CCDC91: variants seen among roughly 807,000 people sequenced by gnomAD.
CCDC91 encodes the protein coiled-coil domain containing 91.
CCDC91 carries 48 observed loss-of-function variants against 63.2 expected under a neutral mutation model. The ratio of observed to expected loss-of-function variants is 0.76; its 90% CI spans 0.60 to 0.97. CCDC91 has a LOEUF of 0.97. Ranked by LOEUF, CCDC91 falls within the 50% of genes least tolerant of loss-of-function variation. CCDC91 has a pLI of 0.00. For synonymous variants in CCDC91, 167 were observed against 165.8 expected (o/e 1.01, Z -0.06); for missense variants, 500 against 494.6 (o/e 1.01, Z -0.10).
chr12:28,330,205 T>C (rs1941381994), intron 6 of CCDC91, among the ~76,000 whole-genome samples: 1 of 152,158 alleles, frequency 6.6e-6, no homozygotes, highest in Non-Finnish European at 1.5e-5. Context: ...TCTTCCACAA[T>C]GGTTGAATTA....
chr12:28,246,558 C>A (rs565279262), intron 1 of CCDC91, among the ~76,000 whole-genome samples: 5 of 152,200 alleles, frequency 3.3e-5, no homozygotes, highest in Non-Finnish European at 7.4e-5. Context: ...CCCATAGAGG[C>A]ATGGATTTGG....
chr12:28,293,739 T>A (rs1949386441), intron 3 of CCDC91, among the ~76,000 whole-genome samples: 1 of 152,006 alleles, frequency 6.6e-6, no homozygotes, highest in Admixed American at 6.6e-5. Context: ...TTTTTTTTTT[T>A]ATTCCAGGAG....
chr12:28,399,778 A>G (rs932767468), intron 8 of CCDC91, among the ~76,000 whole-genome samples: 3 of 152,222 alleles, frequency 2.0e-5, no homozygotes, highest in Non-Finnish European at 2.9e-5. Flanking sequence ...TTAAAATTCC[A>G]TAATGATCTT....
intron 12 of CCDC91, among the ~76,000 whole-genome samples, chr12:28,496,578 G>A (rs142114444): frequency 6.6e-6 from 1 of 151,674 alleles, no homozygotes; most frequent in African/African-American, 2.4e-5. Flanking sequence ...TGTGGTTACT[G>A]AAGAAATATT....
At chr12:28,303,306 T>A (rs1285459651) in intron 3 of CCDC91, among the ~76,000 whole-genome samples, 5 of 152,078 alleles carry the variant, frequency 3.3e-5, no homozygotes, top group Non-Finnish European at 5.9e-5. Flanking sequence ...CTAGCTAGTA[T>A]GTGATTCAGA....
intron 8 of CCDC91, among the ~76,000 whole-genome samples, chr12:28,433,497 T>G (rs1948740554): frequency 6.6e-6 from 1 of 152,018 alleles, no homozygotes; most frequent in African/African-American, 2.4e-5. Flanking sequence ...TTTATTCCTT[T>G]GCCACTTTTC....
chr12:28,257,246 G>T lies in CCDC91; in HGVS notation c.30+1G>T. On this transcript the variant is annotated splice_donor_variant, in intron 2 of 12. Coordinates refer to ENST00000536442, the MANE Select transcript of CCDC91 (RefSeq NM_018318.5). LOFTEE classifies it high-confidence loss of function. ...TGATGATGATTTTGGTGGTTTTGAG[G>T]TATGCACTGTTATTTACATTAGTTT... is the stretch of plus-strand genomic sequence containing the variant. 6.2e-7 allele frequency: 1 copy of T among 1,602,980 alleles called. No individual in the cohort carries two copies. The highest frequency in any genetic ancestry group is 2.2e-5 in the East Asian group (1 of 44,676).
chr12:28,236,863 A>C (rs1944980814), intron 1 of CCDC91: 1 of 152,172 alleles, frequency 6.6e-6, no homozygotes, highest in African/African-American at 2.4e-5. Flanking sequence ...GTTTAAAAAT[A>C]CTTTTTTATT....
At chr12:28,221,872 A>ATGCT (rs1943976599) in intron 1 of CCDC91, among the ~76,000 whole-genome samples, 1 of 152,140 alleles carries the variant, frequency 6.6e-6, no homozygotes, top group South Asian at 2.1e-4. Context: ...TATTTCTCAG[A>ATGCT]TGCTTGGACT....
chr12:28,349,961 G>A (rs1215617106), intron 6 of CCDC91, among the ~76,000 whole-genome samples: 1 of 152,182 alleles, frequency 6.6e-6, no homozygotes, highest in Non-Finnish European at 1.5e-5. Flanking sequence ...CTCTTCCAGA[G>A]TACTTTGCTG....
intron 7 of CCDC91, among the ~76,000 whole-genome samples, chr12:28,384,849 C>T (rs568742679): frequency 2.0e-4 from 30 of 152,046 alleles, no homozygotes; most frequent in Non-Finnish European, 3.8e-4. Context: ...TTCTGTAAAA[C>T]GACTGCGATT....
intron 1 of CCDC91, among the ~76,000 whole-genome samples, chr12:28,203,681 G>A (rs144760311): frequency 0.017 from 2,534 of 152,228 alleles, 28 homozygotes; most frequent in South Asian, 0.031. Flanking sequence ...TTGAATTGTT[G>A]ATTATATGAG....
intron 3 of CCDC91, among the ~76,000 whole-genome samples, chr12:28,303,880 T>A (rs1000176889): frequency 6.6e-6 from 1 of 152,122 alleles, no homozygotes; most frequent in African/African-American, 2.4e-5. Flanking sequence ...ACTAGTTATT[T>A]TCATGCCTTT....
At chr12:28,479,457 C>A (rs1951318060) in intron 11 of CCDC91, among the ~76,000 whole-genome samples, 1 of 151,704 alleles carries the variant, frequency 6.6e-6, no homozygotes, top group South Asian at 2.1e-4. Context: ...CACACTGGGG[C>A]CTGTTGTGGG....
intron 12 of CCDC91, among the ~76,000 whole-genome samples, chr12:28,497,694 T>C (rs1391641840): frequency 1.3e-5 from 2 of 151,644 alleles, no homozygotes; most frequent in African/African-American, 2.4e-5. Context: ...TTTTTATTAA[T>C]TTTTGCATGT....
chr12:28,268,157 G>A (rs1249810502), intron 3 of CCDC91, among the ~76,000 whole-genome samples: 5 of 150,746 alleles, frequency 3.3e-5, no homozygotes, highest in East Asian at 1.9e-4. Flanking sequence ...TCTGCCTCAC[G>A]GGTTCAAGAG....
chr12:28,293,471 G>A (rs1230799223), intron 3 of CCDC91, among the ~76,000 whole-genome samples: 1 of 152,154 alleles, frequency 6.6e-6, no homozygotes, highest in Non-Finnish European at 1.5e-5. Context: ...GTAGGATATA[G>A]TTAAGAGCTT....
At chr12:28,240,672 A>G (rs1945271306) in intron 1 of CCDC91, among the ~76,000 whole-genome samples, 2 of 152,004 alleles carry the variant, frequency 1.3e-5, no homozygotes, top group Admixed American at 6.6e-5. Context: ...TACCTTTGAA[A>G]TCTCTCCAAC....
intron 3 of CCDC91, chr12:28,268,752 AT>A (rs1172362713): frequency 1.3e-6 from 1 of 793,312 alleles, no homozygotes; most frequent in Non-Finnish European, 1.5e-6. Flanking sequence ...GAGGGAGTAG[AT>A]TTTACCTAAA....
Sources: allele counts gnomAD v4.1 joint callset (sites outside exome capture counted in the v4.1 genomes callset), GRCh38; gene constraint gnomAD v4.1.1; transcripts MANE v1.5; gene names NCBI Gene and HGNC (gene_info 2026-07-23, HGNC 2026-07-21).